Variants in CTNNA3 observed in about 807,000 individuals in gnomAD.
The protein encoded by CTNNA3 is catenin alpha-3.
Under a neutral mutation model 95.7 loss-of-function variants are expected in CTNNA3, and 76 were observed. The observed-to-expected ratio is 0.79, with a 90% CI of 0.66 to 0.96. The LOEUF is 0.96. CTNNA3 is among the 40% of genes least tolerant of loss of function. The probability of loss-of-function intolerance (pLI) is 0.00; values close to 1 mark genes in which losing one functional copy is unlikely to be tolerated. For missense variants in CTNNA3, 1,191 were observed against 1,089.8 expected (o/e 1.09, Z -1.31); for synonymous variants, 431 against 374.4 (o/e 1.15, Z -1.74).
At chr10:66,923,171 A>C (rs1846877917) in intron 7 of CTNNA3, among the ~76,000 whole-genome samples, 1 of 152,262 alleles carries the variant, frequency 6.6e-6, no homozygotes. Context: ...ATCAGGAACC[A>C]AGATAAAAGA....
At chr10:66,167,579 C>T (rs10996946) in intron 13 of CTNNA3, among the ~76,000 whole-genome samples, 38,628 of 151,928 alleles carry the variant, frequency 0.25, 4,958 homozygotes, top group South Asian at 0.41. Context: ...TATTATTTTA[C>T]TTTAATTTTT....
At position 67,671,629 on chromosome 10, in the gene CTNNA3, G is replaced by A. The variant is rs546024250; in HGVS notation, c.-5-24111C>T. ...GCGGTGTTTGGTTTTTTGTCCTTGC[G>A]ATAGTTTGCTGAGAATGATGGTTTC... On this transcript the variant is annotated intron_variant, in intron 1 of 17. Transcript: ENST00000433211. Among the ~76,000 whole-genome samples the A allele has an allele frequency of 5.0e-3, 762 of 151,240 alleles. 17 individuals are homozygous for A. Among genetic ancestry groups the A allele is most frequent in the Middle Eastern group, 0.048 (14 of 290 alleles).
At chr10:66,101,596 A>T (rs1020967906) in intron 14 of CTNNA3, among the ~76,000 whole-genome samples, 1 of 152,190 alleles carries the variant, frequency 6.6e-6, no homozygotes, top group African/African-American at 2.4e-5. Flanking sequence ...GAAAATACTT[A>T]GCGCACTGTA....
intron 9 of CTNNA3, among the ~76,000 whole-genome samples, chr10:66,629,027 T>C (rs1407062019): frequency 6.6e-6 from 1 of 152,102 alleles, no homozygotes; most frequent in Non-Finnish European, 1.5e-5. Context: ...ACTCCTTCAA[T>C]GAGACTTAGA....
At chr10:67,463,978 C>T (rs1394543957) in intron 5 of CTNNA3, among the ~76,000 whole-genome samples, 1 of 152,146 alleles carries the variant, frequency 6.6e-6, no homozygotes, top group African/African-American at 2.4e-5. Context: ...AATTATGCTC[C>T]TACGAATGCT....
chr10:66,211,818 A>C (rs550129947), intron 13 of CTNNA3, among the ~76,000 whole-genome samples: 17 of 152,250 alleles, frequency 1.1e-4, no homozygotes, highest in African/African-American at 3.1e-4. Flanking sequence ...TTGCAATCGG[A>C]GGGACCCAAC....
intron 12 of CTNNA3, among the ~76,000 whole-genome samples, chr10:66,332,821 C>G (rs1250319790): frequency 6.6e-6 from 1 of 152,026 alleles, no homozygotes; most frequent in African/African-American, 2.4e-5. Context: ...CCTCCTTGTA[C>G]CTCTGGTAGA....
chr10:67,553,640 T>C (rs1400137468), intron 3 of CTNNA3, among the ~76,000 whole-genome samples: 2 of 152,104 alleles, frequency 1.3e-5, no homozygotes, highest in African/African-American at 4.8e-5. Flanking sequence ...CAGTCATCAC[T>C]TACACAATGG....
At position 67,727,179 on chromosome 10, in the gene CTNNA3, A is replaced by C. The variant is rs1406147176; in HGVS notation, c.-2+36255T>G. On this transcript the variant is annotated intron_variant, in intron 1 of 17. Coordinates refer to the CTNNA3 transcript ENST00000684154. The stretch of plus-strand genomic sequence containing the variant: ...ATTATATATAATATATGATACATAT[A>C]TTATATATATTATGTGTATATATAC... Among the ~76,000 whole-genome samples, 4 of 125,818 alleles carry C rather than the reference A, an allele frequency of 3.2e-5. No individual in the cohort carries two copies. The Admixed American group carries it at 3.8e-4, about 12-fold the overall frequency. The allele number at this position is 125,818 out of a possible 152,430, so 82.5% of individuals were successfully genotyped here.
At chr10:67,060,056 C>T (rs1338507488) in intron 7 of CTNNA3, among the ~76,000 whole-genome samples, 1 of 152,124 alleles carries the variant, frequency 6.6e-6, no homozygotes, top group East Asian at 1.9e-4. Context: ...TGACTCACAC[C>T]TGTAATCCCA....
chr10:66,212,802 G>A lies in CTNNA3; in HGVS notation c.1884+67668C>T, dbSNP rs2088254811. Among the ~76,000 whole-genome samples, 3 of 152,304 alleles carry A rather than the reference G, an allele frequency of 2.0e-5. No individual in the cohort carries two copies. The South Asian group carries it at 6.2e-4, about 32-fold the overall frequency. On this transcript the variant is annotated intron_variant, in intron 13 of 17. Transcript: ENST00000433211. ...GCAGATTACTTGAGGCCAGGAGTTT[G>A]AGACCAGCCTGGCCAACATGGCGAA...
chr10:67,504,448 A>C (rs1473519294), intron 5 of CTNNA3, among the ~76,000 whole-genome samples: 12 of 150,018 alleles, frequency 8.0e-5, no homozygotes, highest in Admixed American at 6.6e-4. Flanking sequence ...AAAAAAAAAA[A>C]AAAAAAAAAA....
intron 11 of CTNNA3, among the ~76,000 whole-genome samples, chr10:66,421,599 C>T (rs774132841): frequency 3.3e-5 from 5 of 151,690 alleles, no homozygotes; most frequent in Non-Finnish European, 7.4e-5. Flanking sequence ...ATTCCCAGCA[C>T]TTTGGGAGGC....
chr10:66,307,811 T>C (rs10762054), intron 12 of CTNNA3, among the ~76,000 whole-genome samples: 41,211 of 152,100 alleles, frequency 0.27, 5,955 homozygotes, highest in African/African-American at 0.35. Context: ...AATACACAAA[T>C]GGAGAACATT....
intron 12 of CTNNA3, among the ~76,000 whole-genome samples, chr10:66,318,221 A>T (rs1316814516): frequency 6.6e-6 from 1 of 150,676 alleles, no homozygotes; most frequent in Non-Finnish European, 1.5e-5. Context: ...AGTTAGTGGA[A>T]TCAGCTGAGT....
intron 12 of CTNNA3, among the ~76,000 whole-genome samples, chr10:66,292,076 T>TACACACAC (rs112723652): frequency 6.7e-6 from 1 of 149,400 alleles, no homozygotes; most frequent in Non-Finnish European, 1.5e-5. Flanking sequence ...CATATACAGA[T>TACACACAC]ACACACACAC....
intron 5 of CTNNA3, among the ~76,000 whole-genome samples, chr10:67,398,182 T>C (rs755276558): frequency 5.7e-4 from 87 of 152,326 alleles, no homozygotes; most frequent in Non-Finnish European, 1.0e-3. Context: ...AGACACTCAA[T>C]GCCAGCCAGT....
At chr10:66,373,018 T>G (rs921533096) in intron 12 of CTNNA3, among the ~76,000 whole-genome samples, 2 of 152,150 alleles carry the variant, frequency 1.3e-5, no homozygotes, top group African/African-American at 4.8e-5. Flanking sequence ...TTCTTTAATA[T>G]CCACTCTTAA....
At chr10:66,820,440 C>T (rs1424496988) in intron 7 of CTNNA3, among the ~76,000 whole-genome samples, 2 of 151,658 alleles carry the variant, frequency 1.3e-5, no homozygotes, top group Non-Finnish European at 2.9e-5. Context: ...ATATTAAAAA[C>T]TACTGAATTA....
Sources: allele counts gnomAD v4.1 joint callset (sites outside exome capture counted in the v4.1 genomes callset), GRCh38; gene constraint gnomAD v4.1.1; transcripts MANE v1.5; gene names NCBI Gene and HGNC (gene_info 2026-07-23, HGNC 2026-07-21).